The following SCIMP variants were observed in gnomAD, a reference collection of about 807,000 sequenced individuals.
SCIMP encodes SLP adaptor and CSK interacting membrane protein.
Under a neutral mutation model 22.0 loss-of-function variants are expected in SCIMP, and 18 were observed. That is an observed-to-expected ratio of 0.82 (90% CI 0.56 to 1.21). The LOEUF is 1.21. SCIMP is among the 50% of genes most tolerant of loss of function. SCIMP has a pLI of 0.00. For missense variants in SCIMP, 155 were observed against 171.2 expected, an observed-to-expected ratio of 0.91 and a Z score of 0.53; for synonymous variants, 53 against 62.2, an observed-to-expected ratio of 0.85 and a Z score of 0.70.
chr17:5,223,983 T>C (rs754384188), intron 1 of SCIMP, among the ~76,000 whole-genome samples: 1 of 152,206 alleles, frequency 6.6e-6, no homozygotes, highest in African/African-American at 2.4e-5. Context: ...ATCTATAATA[T>C]GGGAATGATA....
chr17:5,225,058 A>G (rs1464443347), intron 1 of SCIMP, among the ~76,000 whole-genome samples: 2 of 152,232 alleles, frequency 1.3e-5, no homozygotes, highest in Non-Finnish European at 2.9e-5. Flanking sequence ...AAGCTCCCAT[A>G]GTGGCAAATG....
chr17:5,223,580 T>G, intron 1 of SCIMP, 124 bp from the exon 2 acceptor site: 1 of 944,722 alleles, frequency 1.1e-6, no homozygotes, highest in South Asian at 1.4e-5. Flanking sequence ...TCTCACTCTG[T>G]CGCCCAGGCT....
At chr17:5,232,967 C>T (rs1423560062) in intron 1 of SCIMP, among the ~76,000 whole-genome samples, 4 of 152,160 alleles carry the variant, frequency 2.6e-5, no homozygotes, top group Non-Finnish European at 5.9e-5. Context: ...CTGCCTCGGC[C>T]TCCCAAAGTG....
At chr17:5,215,969 G>A (rs2074562600) in intron 3 of SCIMP, among the ~76,000 whole-genome samples, 1 of 151,362 alleles carries the variant, frequency 6.6e-6, no homozygotes, top group Admixed American at 6.6e-5. Flanking sequence ...GAGGGAGGAT[G>A]GCTTGAGCCC....
At chr17:5,220,594 A>T (rs190050764) in intron 3 of SCIMP, among the ~76,000 whole-genome samples, 4 of 152,024 alleles carry the variant, frequency 2.6e-5, no homozygotes, top group Admixed American at 2.6e-4. Flanking sequence ...AAATACAAAA[A>T]GTAGCTGGGT....
At chr17:5,227,428 G>T (rs1232954871) in intron 1 of SCIMP, among the ~76,000 whole-genome samples, 2 of 151,984 alleles carry the variant, frequency 1.3e-5, no homozygotes, top group Non-Finnish European at 2.9e-5. Context: ...GTTGGCCAGG[G>T]TGGTCTTGAA....
chr17:5,209,125 T>G lies in SCIMP; in HGVS notation c.*1676A>C, dbSNP rs2074509062. 1 of 147,742 alleles carries G rather than the reference T, an allele frequency of 6.8e-6. No individual in the cohort carries two copies. Among genetic ancestry groups the G allele is most frequent in the Non-Finnish European group, 1.5e-5 (1 of 67,896 alleles). 9.2% of individuals were successfully genotyped at this position (147,742 alleles called of 1,614,324 possible). On this transcript the variant is annotated 3_prime_UTR_variant, in exon 5 of 5. Coordinates refer to ENST00000574081, the MANE Select transcript of SCIMP (RefSeq NM_207103.3). The stretch of plus-strand genomic sequence containing the variant: ...ACTACTGGCCTAACATAAGGAGGGT[T>G]TATTTATTTATTTATTTATTTATTT...
In SCIMP at chr17:5,221,346, C is replaced by G. The variant is rs1485792129; in HGVS notation, c.150G>C (p.Lys50Asn). 6.8e-6 allele frequency: 11 copies of G among 1,612,198 alleles called. No individual in the cohort carries two copies. In the Admixed American group the frequency reaches 1.8e-4, roughly 27 times the overall value. The change falls in exon 3 of 5, where the codon AAG (lysine) becomes AAC (asparagine). Residue 50 changes from lysine (K) to asparagine (N), a missense_variant. Lys to Asn is a moderately conservative substitution (Grantham distance 94, BLOSUM62 0). Coordinates refer to ENST00000574081, the MANE Select transcript of SCIMP (RefSeq NM_207103.3). ...TCAGGGGCTTGGCAATTTCCCATTT[C>G]TTGCCTAAGAGGGGAAAAGCATGTT... is the stretch of plus-strand genomic sequence containing the variant. Reference protein sequence around the residue: ...CVCKWQLRRGKKWEIAKPLKH... With the variant: ...CVCKWQLRRGNKWEIAKPLKH...
chr17:5,215,998 TAGGGAGACCCTGGGCAACAC>T (rs1164072663), intron 3 of SCIMP, among the ~76,000 whole-genome samples: 1 of 151,552 alleles, frequency 6.6e-6, no homozygotes, highest in Admixed American at 6.6e-5. Flanking sequence ...AAGGGTAATA[TAGGGAGACCCTGGGCAACAC>T]AGGGAGACCC....
intron 3 of SCIMP, 77 bp from the exon 4 acceptor site, chr17:5,215,075 C>T: frequency 1.1e-6 from 1 of 890,036 alleles, no homozygotes; most frequent in East Asian, 2.4e-5. Context: ...GAGAAAACAT[C>T]AAGGAAAGTG....
intron 3 of SCIMP, among the ~76,000 whole-genome samples, chr17:5,220,566 G>A (rs113762960): frequency 0.16 from 23,460 of 150,284 alleles, 2,071 homozygotes; most frequent in African/African-American, 0.23. Flanking sequence ...GTGAAACCCC[G>A]TCTCTACTAA....
At chr17:5,221,476 C>CA in intron 2 of SCIMP, 126 bp from the exon 3 acceptor site, 1 of 726,400 alleles carries the variant, frequency 1.4e-6, no homozygotes, top group South Asian at 1.6e-5. Context: ...AGAACCCAGA[C>CA]AGTCTAACCA....
At chr17:5,233,634 G>T (rs541910711) in intron 1 of SCIMP, among the ~76,000 whole-genome samples, 10 of 152,132 alleles carry the variant, frequency 6.6e-5, no homozygotes, top group Admixed American at 1.3e-4. Flanking sequence ...GCCTCCCAAA[G>T]TGCTGGGATT....
chr17:5,230,459 A>C (rs1314112077), intron 1 of SCIMP, among the ~76,000 whole-genome samples: 1 of 152,018 alleles, frequency 6.6e-6, no homozygotes, highest in Non-Finnish European at 1.5e-5. Context: ...ATAGAAGGGG[A>C]GAATTTGGAG....
rs2439944 is a variant in SCIMP, at chr17:5,224,493, T to A, written c.22-1037A>T. Reference sequence around the variant, plus strand: ...TTGTTTGTTTTTTGAGACAGAGGCTTGCTCTGTCGCCCAGGCTGGAGTGCA... The same window carrying A: ...TTGTTTGTTTTTTGAGACAGAGGCTAGCTCTGTCGCCCAGGCTGGAGTGCA... On this transcript the variant is annotated intron_variant, in intron 1 of 4. Coordinates refer to ENST00000574081, the MANE Select transcript of SCIMP (RefSeq NM_207103.3). Among the ~76,000 whole-genome samples the A allele has an allele frequency of 1.6e-3, 234 of 150,858 alleles. 2 individuals carry two copies. Among genetic ancestry groups the A allele is most frequent in the Non-Finnish European group, 1.3e-3 (85 of 67,882 alleles).
intron 3 of SCIMP, among the ~76,000 whole-genome samples, chr17:5,216,034 C>A (rs1399761002): frequency 2.0e-5 from 3 of 151,836 alleles, no homozygotes; most frequent in African/African-American, 7.3e-5. Flanking sequence ...GACCCAGTCT[C>A]TACAAAAAAA....
intron 1 of SCIMP, among the ~76,000 whole-genome samples, chr17:5,224,967 C>T (rs777841716): frequency 2.6e-5 from 4 of 152,032 alleles, no homozygotes; most frequent in Non-Finnish European, 1.5e-5. Flanking sequence ...AGCTGACAGA[C>T]CAGAGACCGG....
chr17:5,234,619 A>G, intron 1 of SCIMP, 116 bp downstream of exon 1: 1 of 1,086,380 alleles, frequency 9.2e-7, no homozygotes, highest in Non-Finnish European at 1.4e-6. Flanking sequence ...CCAGGCTGCA[A>G]TCCCCTGGCC....
intron 3 of SCIMP, among the ~76,000 whole-genome samples, chr17:5,217,556 TC>T (rs1379733340): frequency 8.1e-5 from 8 of 98,646 alleles, no homozygotes; most frequent in African/African-American, 1.2e-4. Flanking sequence ...ATGCTATCCC[TC>T]CCCCCTCCCC....
Sources: allele counts gnomAD v4.1 joint callset (sites outside exome capture counted in the v4.1 genomes callset), GRCh38; gene constraint gnomAD v4.1.1; transcripts MANE v1.5; gene names NCBI Gene and HGNC (gene_info 2026-07-23, HGNC 2026-07-21).